Variants in CPNE4 observed in about 807,000 individuals in gnomAD.
CPNE4 encodes copine 4.
CPNE4 carries 25 observed loss-of-function variants against 67.9 expected under a neutral mutation model. The observed-to-expected ratio is 0.37, with a 90% CI of 0.27 to 0.51. The LOEUF (loss-of-function observed/expected upper bound fraction) is 0.51. Among genes scored for constraint, CPNE4 ranks in the 20% least tolerant of loss-of-function variants. CPNE4 has a pLI of 0.93. For missense variants in CPNE4, 464 were observed against 690.8 expected (o/e 0.67, Z 3.68); for synonymous variants, 242 against 244.9 (o/e 0.99, Z 0.11).
intron 7 of CPNE4, among the ~76,000 whole-genome samples, chr3:131,640,690 A>C (rs1438655395): frequency 6.6e-6 from 1 of 152,130 alleles, no homozygotes; most frequent in Non-Finnish European, 1.5e-5. Flanking sequence ...TAGAACCAAA[A>C]AGGAGCCTGC....
intron 7 of CPNE4, among the ~76,000 whole-genome samples, chr3:131,658,920 G>A (rs2080050274): frequency 6.6e-6 from 1 of 152,198 alleles, no homozygotes; most frequent in Non-Finnish European, 1.5e-5. Flanking sequence ...TGTTTAAAAT[G>A]TGGGAGAGAA....
chr3:131,757,842 G>A lies in CPNE4; in HGVS notation c.181-34217C>T, dbSNP rs564436421. ...TGTCCCAACCACTCTAGCCATGGCTGAAAGGGGACAACATACAGCTTGGGC... is the reference window on the plus strand; with the variant it reads ...TGTCCCAACCACTCTAGCCATGGCTAAAAGGGGACAACATACAGCTTGGGC... On this transcript the variant is annotated intron_variant, in intron 2 of 15. Coordinates refer to ENST00000429747, the MANE Select transcript of CPNE4 (RefSeq NM_130808.3). Among the ~76,000 whole-genome samples the A allele has an allele frequency of 3.9e-5, 6 of 152,334 alleles. No homozygotes were observed. The South Asian group carries it at 1.0e-3, about 26-fold the overall frequency.
chr3:131,569,683 G>GAAGAAAGAAAGAAAGAGAGA (rs1937236257), intron 10 of CPNE4, among the ~76,000 whole-genome samples: 1 of 150,386 alleles, frequency 6.6e-6, no homozygotes, highest in East Asian at 2.0e-4. Context: ...AAGAAGAAAG[G>GAAGAAAGAAAGAAAGAGAGA]AAGAAAGAAA....
intron 1 of CPNE4, among the ~76,000 whole-genome samples, chr3:132,031,841 A>T (rs1209414058): frequency 6.6e-6 from 1 of 152,206 alleles, no homozygotes; most frequent in Admixed American, 6.5e-5. Context: ...TATAGTCAGT[A>T]TAACCTCAAG....
At chr3:131,594,379 G>C (rs1442588988) in intron 7 of CPNE4, among the ~76,000 whole-genome samples, 1 of 152,086 alleles carries the variant, frequency 6.6e-6, no homozygotes, top group Non-Finnish European at 1.5e-5. Context: ...AGAATAGAGA[G>C]GCCAAAACCA....
chr3:131,548,775 A>G (rs1490421023), intron 14 of CPNE4, among the ~76,000 whole-genome samples: 1 of 152,178 alleles, frequency 6.6e-6, no homozygotes, highest in Non-Finnish European at 1.5e-5. Flanking sequence ...CTTCTAAGCC[A>G]TATCAGGGAA....
intron 1 of CPNE4, among the ~76,000 whole-genome samples, chr3:131,988,059 C>T (rs2073097029): frequency 6.6e-6 from 1 of 152,190 alleles, no homozygotes; most frequent in African/African-American, 2.4e-5. Context: ...CTGCCATGTG[C>T]TATGAGTAGG....
chr3:131,572,520 C>T (rs1390461715), intron 10 of CPNE4, among the ~76,000 whole-genome samples: 3 of 151,956 alleles, frequency 2.0e-5, no homozygotes, highest in Non-Finnish European at 1.5e-5. Context: ...TGGTCAAATC[C>T]AACCAAAAGC....
intron 7 of CPNE4, among the ~76,000 whole-genome samples, chr3:131,590,935 T>C (rs1239282227): frequency 1.3e-5 from 2 of 152,182 alleles, no homozygotes; most frequent in African/African-American, 4.8e-5. Flanking sequence ...CAAGGTAGGA[T>C]GAAGTTCTAC....
chr3:131,753,219 A>C (rs973377490), intron 2 of CPNE4, among the ~76,000 whole-genome samples: 1 of 151,934 alleles, frequency 6.6e-6, no homozygotes, highest in Non-Finnish European at 1.5e-5. Flanking sequence ...ATAACCTAAG[A>C]AAAAAGTAAA....
At position 131,618,383 on chromosome 3, in the gene CPNE4, TG is replaced by T. The variant is rs550943952; in HGVS notation, c.682-30802del. On this transcript the variant is annotated intron_variant, in intron 7 of 15. Transcript: ENST00000429747. ...ACATATTCATCACCTCACCAACTTATGACTTTTTTGTGGGGAGAATATTACA... is the reference window on the plus strand; with the variant it reads ...ACATATTCATCACCTCACCAACTTATACTTTTTTGTGGGGAGAATATTACA... 3.2e-3 allele frequency among the ~76,000 whole-genome samples: 495 copies of T among 152,354 alleles called. 2 individuals are homozygous for T. Among genetic ancestry groups the T allele is most frequent in the African/African-American group, 0.011 (454 of 41,586 alleles).
chr3:131,937,569 C>T (rs887690224), intron 1 of CPNE4, among the ~76,000 whole-genome samples: 2 of 152,068 alleles, frequency 1.3e-5, no homozygotes, highest in Non-Finnish European at 2.9e-5. Context: ...AAACAGTGCA[C>T]TGAATACATT....
chr3:131,592,998 C>T (rs1323151910), intron 7 of CPNE4, among the ~76,000 whole-genome samples: 2 of 152,210 alleles, frequency 1.3e-5, no homozygotes, highest in Non-Finnish European at 2.9e-5. Context: ...GCTATGCCAA[C>T]TTATTGTACA....
At chr3:131,564,852 G>A (rs538448323) in intron 10 of CPNE4, among the ~76,000 whole-genome samples, 2 of 152,090 alleles carry the variant, frequency 1.3e-5, no homozygotes, top group South Asian at 2.1e-4. Context: ...GTGTTAGAGT[G>A]GTTATAACAA....
intron 3 of CPNE4, among the ~76,000 whole-genome samples, chr3:131,721,343 CAAA>C (rs58912595): frequency 1.1e-4 from 7 of 63,480 alleles, no homozygotes; most frequent in Admixed American, 2.0e-4. Flanking sequence ...AGCTTTGGAC[CAAA>C]AAAAAAAAAA....
chr3:132,031,019 A>T (rs1473951784), intron 1 of CPNE4, among the ~76,000 whole-genome samples: 1 of 152,230 alleles, frequency 6.6e-6, no homozygotes, highest in Non-Finnish European at 1.5e-5. Flanking sequence ...GTGTAACCCC[A>T]ACCTAAATTA....
intron 2 of CPNE4, among the ~76,000 whole-genome samples, chr3:131,897,399 G>A (rs985169541): frequency 2.6e-5 from 4 of 152,084 alleles, no homozygotes; most frequent in Non-Finnish European, 5.9e-5. Flanking sequence ...AGCATATGGT[G>A]CATAGCAAAC....
intron 1 of CPNE4, among the ~76,000 whole-genome samples, chr3:131,961,512 T>C (rs886374233): frequency 7.9e-5 from 12 of 152,198 alleles, no homozygotes; most frequent in African/African-American, 2.7e-4. Context: ...TGTGCTAAGA[T>C]ACAGCATTTT....
At chr3:131,613,534 G>A (rs1939965505) in intron 7 of CPNE4, among the ~76,000 whole-genome samples, 1 of 152,188 alleles carries the variant, frequency 6.6e-6, no homozygotes, top group Non-Finnish European at 1.5e-5. Flanking sequence ...GATCTATAAA[G>A]AGGGGAAAAT....
Sources: allele counts gnomAD v4.1 joint callset (sites outside exome capture counted in the v4.1 genomes callset), GRCh38; gene constraint gnomAD v4.1.1; transcripts MANE v1.5; gene names NCBI Gene and HGNC (gene_info 2026-07-23, HGNC 2026-07-21).